Variants in RESF1 observed in about 807,000 individuals in gnomAD.
RESF1 encodes gonad expressed transcript.
RESF1 carries 65 observed loss-of-function variants against 134.7 expected under a neutral mutation model. The ratio of observed to expected loss-of-function variants is 0.48; its 90% CI spans 0.40 to 0.59. The LOEUF (loss-of-function observed/expected upper bound fraction) is 0.59. Ranked by LOEUF, RESF1 falls within the 20% of genes least tolerant of loss-of-function variation. The probability of loss-of-function intolerance (pLI) is 0.00; values close to 1 mark genes in which losing one functional copy is unlikely to be tolerated. For missense variants in RESF1, 2,274 were observed against 2,002.7 expected (o/e 1.14, Z -2.59); for synonymous variants, 762 against 702.2 (o/e 1.09, Z -1.35).
At position 31,983,000 on chromosome 12, in the gene RESF1, A is replaced by G. The variant is rs1199192410; in HGVS notation, c.2045A>G (p.Lys682Arg). The G allele has an allele frequency of 6.2e-7, 1 of 1,614,010 alleles. No homozygotes were observed. The highest frequency in any genetic ancestry group is 1.3e-5 in the African/African-American group (1 of 74,944). ...VLATCLSLWK[K>R]QPSDTAKEKE... ...GCAACCTGTCTTTCCCTGTGGAAAA[A>G]GCAACCTTCAGATACTGCAAAAGAA... The change falls in exon 4 of 6, where the codon AAG becomes AGG. Residue 682 changes from lysine to arginine, a missense_variant. Transcript: ENST00000312561.
At chr12:31,961,517 T>C (rs1170346118) in intron 2 of RESF1, among the ~76,000 whole-genome samples, 1 of 152,236 alleles carries the variant, frequency 6.6e-6, no homozygotes, top group East Asian at 1.9e-4. Context: ...TCCTGATGCA[T>C]GGCAAGTGCC....
rs773684241 is a variant in RESF1 at position 31,984,855 on chromosome 12, C to T, written c.3900C>T (p.His1300=). The change falls in exon 4 of 6, where the codon CAC becomes CAT. Residue 1300 remains histidine (H), a synonymous_variant. Coordinates refer to ENST00000312561, the MANE Select transcript of RESF1 (RefSeq NM_018169.4). Reference sequence around the variant, plus strand: ...ACAAAAGAAAAAAATTGAGGTTTCACGAGGTAACCTTTCACTCCAGTAATA... The same window carrying T: ...ACAAAAGAAAAAAATTGAGGTTTCATGAGGTAACCTTTCACTCCAGTAATA... ...QNHKRKKLRF[H]EVTFHSSNKM... 2.2e-5 allele frequency: 35 copies of T among 1,603,494 alleles called. No homozygotes were observed. In the African/African-American group the frequency reaches 2.8e-4, roughly 13 times the overall value.
chr12:31,979,040 C>T (rs1005320262), intron 3 of RESF1, among the ~76,000 whole-genome samples: 1 of 151,558 alleles, frequency 6.6e-6, no homozygotes, highest in African/African-American at 2.4e-5. Flanking sequence ...CCTGCCTCAG[C>T]CTTCTGAGTA....
At chr12:31,975,167 G>A (rs919749295) in intron 3 of RESF1, among the ~76,000 whole-genome samples, 1 of 151,984 alleles carries the variant, frequency 6.6e-6, no homozygotes, top group Non-Finnish European at 1.5e-5. Context: ...CCAGCTACTC[G>A]GGAGGCTGAG....
intron 2 of RESF1, among the ~76,000 whole-genome samples, chr12:31,965,498 T>C (rs1939380247): frequency 6.6e-6 from 1 of 152,222 alleles, no homozygotes; most frequent in South Asian, 2.1e-4. Context: ...GAGTGTGCTG[T>C]CCTTTAAAAT....
rs775601505 is a variant in RESF1 at position 31,981,455 on chromosome 12, A to G, written c.500A>G (p.Gln167Arg). The G allele has an allele frequency of 3.1e-6, 5 of 1,614,052 alleles. No individual in the cohort carries two copies. The highest frequency in any genetic ancestry group is 1.7e-5 in the Admixed American group (1 of 60,002). The change falls in exon 4 of 6, where the codon CAG becomes CGG. Residue 167 changes from glutamine to arginine, a missense_variant. By Grantham distance (43) the Gln-to-Arg change is conservative (BLOSUM62 1). Transcript: ENST00000312561. ...TCAGATACCTATTCTATGCAAATGC[A>G]GATGATCCCTTCTAATTCTACACGA... is the stretch of plus-strand genomic sequence containing the variant. ...ITSDTYSMQM[Q>R]MIPSNSTRLP...
chr12:31,966,397 C>G (rs569430846), intron 2 of RESF1, among the ~76,000 whole-genome samples: 1 of 152,262 alleles, frequency 6.6e-6, no homozygotes, highest in South Asian at 2.1e-4. Flanking sequence ...CTTTAATTCC[C>G]ATTTTAGGGA....
Position 31,982,729 on chromosome 12 carries a change from C to A in RESF1, c.1774C>A (p.Arg592Ser). Residue 592 changes from arginine (R) to serine (S), a missense_variant, in exon 4 of 6, where the codon CGT (arginine) becomes AGT (serine). Coordinates refer to ENST00000312561, the MANE Select transcript of RESF1 (RefSeq NM_018169.4). ...ACTTCTCGCTTTGCTTTCACAGGCA[C>A]GTAAGACTCAGAAGACAGTATTAAA... The part of the protein sequence containing the change: ...MLLLALLSQA[R>S]KTQKTVLKDA... 2 of 1,613,706 alleles carry A rather than the reference C, an allele frequency of 1.2e-6. No individual in the cohort carries two copies. Among genetic ancestry groups the A allele is most frequent in the Non-Finnish European group, 1.7e-6 (2 of 1,179,702 alleles).
At position 31,985,648 on chromosome 12, in the gene RESF1, G is replaced by A; in HGVS notation, c.4693G>A (p.Ala1565Thr). The A allele has an allele frequency of 6.2e-7, 1 of 1,612,854 alleles. No homozygotes were observed. The highest frequency in any genetic ancestry group is 8.5e-7 in the Non-Finnish European group (1 of 1,179,732). ...LDKLTNISNE[A>T]QFSQMPPQVK... The stretch of plus-strand genomic sequence containing the variant: ...CAAATTAACCAATATAAGCAACGAA[G>A]CTCAATTCAGCCAAATGCCTCCCCA... Residue 1565 changes from alanine to threonine, a missense_variant, in exon 4 of 6, where the codon GCT (alanine) becomes ACT (threonine). Ala to Thr is a moderately conservative substitution (Grantham distance 58). Coordinates refer to ENST00000312561, the MANE Select transcript of RESF1 (RefSeq NM_018169.4).
chr12:31,969,421 T>C (rs1328431222), intron 2 of RESF1, among the ~76,000 whole-genome samples: 3 of 152,184 alleles, frequency 2.0e-5, no homozygotes, highest in Non-Finnish European at 2.9e-5. Context: ...AGAGAATTGC[T>C]TGAGCCCAGG....
At chr12:31,980,517 T>G (rs1939756245) in intron 3 of RESF1, among the ~76,000 whole-genome samples, 1 of 152,230 alleles carries the variant, frequency 6.6e-6, no homozygotes, top group Non-Finnish European at 1.5e-5. Flanking sequence ...TGTTTGAACT[T>G]CCCTTTTTTT....
rs1465017621 is a variant in RESF1, at chr12:31,984,824, A to G, written c.3869A>G (p.Gln1290Arg). The G allele has an allele frequency of 3.7e-6, 6 of 1,604,310 alleles. No homozygotes were observed. The African/African-American group carries it at 4.0e-5, about 11-fold the overall frequency. Residue 1290 changes from glutamine (Q) to arginine (R), a missense_variant, in exon 4 of 6, where the codon CAA (glutamine) becomes CGA (arginine). Transcript: ENST00000312561. ...SSKCDKLNPL[Q>R]NHKRKKLRFH... ...AAATGTGATAAACTAAATCCCTTGC[A>G]AAATCACAAAAGAAAAAAATTGAGG...
At chr12:31,990,781 G>A (rs751661826) in intron 5 of RESF1, among the ~76,000 whole-genome samples, 4 of 152,162 alleles carry the variant, frequency 2.6e-5, no homozygotes, top group African/African-American at 4.8e-5. Flanking sequence ...GAGTGAAGCT[G>A]GTTCTGGAGA....
Position 31,992,569 on chromosome 12 carries a change from A to C in RESF1, c.*34A>C. ...TGTGGTTTTGTAATTGCCACTGGGA[A>C]ATTTCTTTCCTTTTCTGTTCAAAAT... On this transcript the variant is annotated 3_prime_UTR_variant, in exon 6 of 6. Transcript: ENST00000312561. 1.9e-6 allele frequency: 3 copies of C among 1,593,808 alleles called. No homozygotes were observed. Among genetic ancestry groups the C allele is most frequent in the Non-Finnish European group, 2.6e-6 (3 of 1,165,790 alleles).
At chr12:31,991,374 CGAA>C (rs1940089832) in intron 5 of RESF1, among the ~76,000 whole-genome samples, 1 of 152,040 alleles carries the variant, frequency 6.6e-6, no homozygotes. Flanking sequence ...AGAAAGCAAA[CGAA>C]AAAGTGGAAG....
At chr12:31,975,843 C>G (rs1939620361) in intron 3 of RESF1, among the ~76,000 whole-genome samples, 2 of 152,102 alleles carry the variant, frequency 1.3e-5, no homozygotes, top group Admixed American at 1.3e-4. Flanking sequence ...AATATGAATA[C>G]ATTTCTATTT....
intron 2 of RESF1, among the ~76,000 whole-genome samples, chr12:31,969,337 T>G (rs181278354): frequency 1.5e-3 from 234 of 152,262 alleles, no homozygotes; most frequent in Non-Finnish European, 2.2e-3. Flanking sequence ...AAACCTCATC[T>G]CTACAAAACA....
chr12:31,981,665 T>TACC lies in RESF1; in HGVS notation c.713_715dup (p.Pro238dup), dbSNP rs754329916. ...TCTACCATTCAAAAACAAAACTTTA[T>TACC]ACCACATACATCATTGCAAGTTAAA... On this transcript the variant is annotated inframe_insertion, in exon 4 of 6. Transcript: ENST00000312561. 6.2e-7 allele frequency: 1 copy of TACC among 1,613,780 alleles called. No homozygotes were observed. The highest frequency in any genetic ancestry group is 8.5e-7 in the Non-Finnish European group (1 of 1,179,952).
intron 3 of RESF1, among the ~76,000 whole-genome samples, chr12:31,977,966 AT>A (rs561434821): frequency 1.3e-4 from 19 of 147,770 alleles, no homozygotes; most frequent in East Asian, 2.0e-4. Context: ...CACCTGGCTA[AT>A]TTTTTTTTTG....
Sources: gnomAD v4.1 joint callset for allele counts (sites outside exome capture counted in the v4.1 genomes callset) on GRCh38, gnomAD v4.1.1 for gene constraint, MANE v1.5 for transcripts, NCBI Gene and HGNC (gene_info 2026-07-23, HGNC 2026-07-21) for gene names.